Variants in MMEL1 observed in about 807,000 individuals in gnomAD.
The protein encoded by MMEL1 is membrane metallo-endopeptidase-like 1.
Under a neutral mutation model 117.1 loss-of-function variants are expected in MMEL1, and 98 were observed. The observed-to-expected ratio is 0.84, with a 90% CI of 0.71 to 0.99. MMEL1 has a LOEUF of 0.99. Among genes scored for constraint, MMEL1 ranks in the 50% least tolerant of loss-of-function variants. The pLI, the probability that MMEL1 is intolerant of heterozygous loss-of-function variation, is 0.00. For missense variants in MMEL1, 1,014 were observed against 1,049.1 expected (o/e 0.97, Z 0.46); for synonymous variants, 390 against 415.1 (o/e 0.94, Z 0.74).
chr1:2,596,600 G>A lies in MMEL1; in HGVS notation c.1362C>T (p.Leu454=), dbSNP rs1311850116. 3 of 1,612,772 alleles carry A rather than the reference G, an allele frequency of 1.9e-6. No homozygotes were observed. The African/African-American group carries it at 4.0e-5, about 21-fold the overall frequency. ...CTCCAGGGAACGCCTCCCTGACGTA[G>A]AGGGAGCCCACGGCGTTCTCCATGT... ...NSNMENAVGS[L]YVREAFPGDS... is the part of the protein sequence containing the mutation. The change falls in exon 14 of 24, where the codon CTC becomes CTT. Residue 454 remains leucine (L), a synonymous_variant. Transcript: ENST00000378412.
intron 2 of MMEL1, among the ~76,000 whole-genome samples, chr1:2,621,002 A>G (rs926553795): frequency 1.3e-5 from 2 of 152,128 alleles, no homozygotes; most frequent in East Asian, 3.9e-4. Context: ...AAACAGAGAC[A>G]TGCCAGGCGT....
rs774550530 is a variant in MMEL1 at position 2,595,404 on chromosome 1, T to G, written c.1501-45A>C. 3.2e-6 allele frequency: 5 copies of G among 1,570,304 alleles called. No homozygotes were observed. The highest frequency in any genetic ancestry group is 1.4e-5 in the African/African-American group (1 of 74,040). The stretch of plus-strand genomic sequence containing the variant: ...TGGTCAGTGGGTGCCCCACTGCGGA[T>G]GGAGTCAGCCCGGGGGCCGGTCAGT... On this transcript the variant is annotated intron_variant, in intron 15 of 23. Coordinates refer to ENST00000378412, the MANE Select transcript of MMEL1 (RefSeq NM_033467.4). This position sits in a 1 kb window ranked among gnomAD's most constrained non-coding sequence, Gnocchi z 4.8.
chr1:2,591,085 G>T lies in MMEL1; in HGVS notation c.2245C>A (p.Leu749Met). Reference sequence around the variant, plus strand: ...GCGGCCAGGTTCTGCAGCGACCCCAGTACCCTGTGGGTGGGTGGGTGTGAC... The same window carrying T: ...GCGGCCAGGTTCTGCAGCGACCCCATTACCCTGTGGGTGGGTGGGTGTGAC... ...DVHSPLKYRV[L>M]GSLQNLAAFA... Residue 749 changes from leucine (L) to methionine (M), a missense_variant, in exon 24 of 24, where the codon CTG becomes ATG. Physicochemically the swap from Leu to Met is conservative, Grantham distance 15. Coordinates refer to ENST00000378412, the MANE Select transcript of MMEL1 (RefSeq NM_033467.4). 1 of 1,584,040 alleles carries T rather than the reference G, an allele frequency of 6.3e-7. No individual in the cohort carries two copies. Among genetic ancestry groups the T allele is most frequent in the Non-Finnish European group, 8.6e-7 (1 of 1,165,876 alleles).
At chr1:2,624,941 C>T (rs767543200) in intron 2 of MMEL1, among the ~76,000 whole-genome samples, 11 of 152,150 alleles carry the variant, frequency 7.2e-5, no homozygotes, top group Non-Finnish European at 1.2e-4. Context: ...AGAGAGAGAG[C>T]GCGAAGGGGG....
At chr1:2,611,986 C>T in intron 3 of MMEL1, 141 bp downstream of exon 3, 1 of 732,256 alleles carries the variant, frequency 1.4e-6, no homozygotes, top group Non-Finnish European at 2.3e-6. Flanking sequence ...AGGTCCCTGC[C>T]ACTGTCCTCT....
At chr1:2,625,817 A>G (rs1287816776) in intron 2 of MMEL1, among the ~76,000 whole-genome samples, 9 of 152,172 alleles carry the variant, frequency 5.9e-5, no homozygotes, top group South Asian at 4.1e-4. Context: ...CTGAAGGCAC[A>G]AGTAAGTTAC....
chr1:2,592,608 G>T, intron 21 of MMEL1, 47 bp downstream of exon 21: 1 of 183,924 alleles, frequency 5.4e-6, no homozygotes, highest in Non-Finnish European at 6.5e-6. Flanking sequence ...CCGCGCTGAC[G>T]CCCCCTCCCC....
At chr1:2,600,029 G>A (rs959410748) in intron 11 of MMEL1, among the ~76,000 whole-genome samples, 2 of 152,058 alleles carry the variant, frequency 1.3e-5, no homozygotes, top group Non-Finnish European at 2.9e-5. Context: ...GTGCAGCAGT[G>A]CAATCTTGGG....
intron 2 of MMEL1, among the ~76,000 whole-genome samples, chr1:2,620,696 C>T (rs1272723087): frequency 6.6e-6 from 1 of 151,232 alleles, no homozygotes; most frequent in Non-Finnish European, 1.5e-5. Flanking sequence ...CTCTTTCCAC[C>T]ACATGAGGAC....
chr1:2,594,256 G>T, intron 18 of MMEL1, 129 bp downstream of exon 18: 1 of 1,058,328 alleles, frequency 9.4e-7, no homozygotes, highest in Non-Finnish European at 1.4e-6. Flanking sequence ...AGCAAGGGGT[G>T]ACATAGGAGA....
At chr1:2,617,181 A>T (rs1645213840) in intron 2 of MMEL1, among the ~76,000 whole-genome samples, 1 of 151,872 alleles carries the variant, frequency 6.6e-6, no homozygotes, top group Admixed American at 6.6e-5. Flanking sequence ...TAATCCCAGC[A>T]CTTTGGGAGG....
At chr1:2,620,925 G>A (rs1645280143) in intron 2 of MMEL1, among the ~76,000 whole-genome samples, 1 of 152,202 alleles carries the variant, frequency 6.6e-6, no homozygotes, top group African/African-American at 2.4e-5. Flanking sequence ...GGAAGTGGGG[G>A]TTGGACATGC....
Position 2,591,240 on chromosome 1 carries a change from C to T in MMEL1, c.2241-151G>A, listed in dbSNP as rs1264989749. On this transcript the variant is annotated intron_variant, in intron 23 of 23. Coordinates refer to ENST00000378412, the MANE Select transcript of MMEL1 (RefSeq NM_033467.4). Reference sequence around the variant, plus strand: ...AACATTTCAACCATGAGATAAACCCCCATCTGACCAGAAACATGCCAATCC... The same window carrying T: ...AACATTTCAACCATGAGATAAACCCTCATCTGACCAGAAACATGCCAATCC... The T allele has an allele frequency of 6.6e-6, 4 of 607,984 alleles. No homozygotes were observed. The African/African-American group carries it at 7.4e-5, about 11-fold the overall frequency. The allele number at this position is 607,984 out of a possible 1,614,324, so 37.7% of individuals were successfully genotyped here. A position where few individuals can be genotyped will look rare whatever the true frequency, so the allele number is the denominator to read the frequency against.
At chr1:2,596,415 G>T in intron 14 of MMEL1, 146 bp downstream of exon 14, 4 of 1,171,162 alleles carry the variant, frequency 3.4e-6, no homozygotes, top group Non-Finnish European at 4.7e-6. Flanking sequence ...GGCATGGGGT[G>T]GGCACGGCTT....
rs1198455056 is a variant in MMEL1 at position 2,592,220 on chromosome 1, TC to T, written c.2068-194del. 5.0e-5 allele frequency among the ~76,000 whole-genome samples: 4 copies of T among 80,736 alleles called. 1 individual carries two copies. The highest frequency in any genetic ancestry group is 1.1e-4 in the Admixed American group (1 of 9,420). The allele number at this position is 80,736 out of a possible 152,430, so 53.0% of individuals were successfully genotyped here. ...ACTCAGGGACCCCTGAGCTGGGCCCTCGGGGGGGGATCCCTGGCCAGACAGC... is the reference window on the plus strand; with the variant it reads ...ACTCAGGGACCCCTGAGCTGGGCCCTGGGGGGGGATCCCTGGCCAGACAGC... On this transcript the variant is annotated intron_variant, in intron 21 of 23. Coordinates refer to ENST00000378412, the MANE Select transcript of MMEL1 (RefSeq NM_033467.4).
chr1:2,606,434 G>A (rs1645030096), intron 7 of MMEL1, 68 bp from the exon 8 acceptor site: 9 of 1,234,368 alleles, frequency 7.3e-6, no homozygotes, highest in Non-Finnish European at 1.0e-5. Flanking sequence ...CCTTGTCGGT[G>A]AATCTGGCCT....
chr1:2,590,674 C>T lies in MMEL1; in HGVS notation c.*316G>A, dbSNP rs908889736. On this transcript the variant is annotated 3_prime_UTR_variant, in exon 24 of 24. Coordinates refer to ENST00000378412, the MANE Select transcript of MMEL1 (RefSeq NM_033467.4). ...GCATTTACTTAGCTCAAGTCTGAAG[C>T]TGTAGATACTGGAAGACAATGCACC... is the stretch of plus-strand genomic sequence containing the variant. 1.2e-5 allele frequency: 4 copies of T among 333,054 alleles called. No homozygotes were observed. The highest frequency in any genetic ancestry group is 2.2e-5 in the Non-Finnish European group (4 of 183,718). The allele number at this position is 333,054 out of a possible 1,614,324, so 20.6% of individuals were successfully genotyped here.
intron 11 of MMEL1, 52 bp from the exon 12 acceptor site, chr1:2,598,842 A>G: frequency 2.0e-6 from 3 of 1,502,144 alleles, no homozygotes; most frequent in Non-Finnish European, 2.7e-6. Context: ...AGGGAGAAAC[A>G]GTTCCTGGGA....
chr1:2,590,948 G>A lies in MMEL1; in HGVS notation c.*42C>T, dbSNP rs773153444. The A allele has an allele frequency of 5.6e-5, 80 of 1,420,364 alleles. No individual in the cohort carries two copies. Among genetic ancestry groups the A allele is most frequent in the Non-Finnish European group, 7.0e-5 (75 of 1,072,350 alleles). 88.0% of individuals were successfully genotyped at this position (1,420,364 alleles called of 1,614,324 possible). ...TGCACCTTCGCACAGATGCCTCCGA[G>A]CAGCGGGTGGGCGTGGGCCGCACAG... On this transcript the variant is annotated 3_prime_UTR_variant, in exon 24 of 24. Coordinates refer to ENST00000378412, the MANE Select transcript of MMEL1 (RefSeq NM_033467.4).
Sources: gnomAD v4.1 joint callset for allele counts (sites outside exome capture counted in the v4.1 genomes callset) on GRCh38, gnomAD v4.1.1 for gene constraint, Gnocchi (gnomAD v3.1) non-coding constraint, MANE v1.5 for transcripts, NCBI Gene and HGNC (gene_info 2026-07-23, HGNC 2026-07-21) for gene names.